The following CLDN20 variants were observed in gnomAD, a reference collection of about 807,000 sequenced individuals.
CLDN20 encodes claudin-20.
For synonymous variants in CLDN20, 104 were observed against 103.6 expected, an observed-to-expected ratio of 1.00 and a Z score of -0.03; for missense variants, 258 against 267.9, an observed-to-expected ratio of 0.96 and a Z score of 0.26.
At chr6:155,272,710 T>C (rs888024897) in intron 1 of CLDN20, among the ~76,000 whole-genome samples, 1 of 152,088 alleles carries the variant, frequency 6.6e-6, no homozygotes, top group African/African-American at 2.4e-5. Flanking sequence ...TCTACATAAG[T>C]TCTCTATGCA....
chr6:155,271,638 C>T (rs1213808307), intron 1 of CLDN20, among the ~76,000 whole-genome samples: 9 of 151,858 alleles, frequency 5.9e-5, no homozygotes, highest in Non-Finnish European at 1.2e-4. Context: ...GTCAAGAATA[C>T]CAGGGAAAAA....
At chr6:155,273,443 T>C (rs942730494) in intron 1 of CLDN20, among the ~76,000 whole-genome samples, 4 of 152,250 alleles carry the variant, frequency 2.6e-5, no homozygotes, top group South Asian at 2.1e-4. Flanking sequence ...ACTTTAAATA[T>C]AGGCAATGGA....
intron 1 of CLDN20, among the ~76,000 whole-genome samples, chr6:155,267,936 T>C (rs758213437): frequency 9.2e-5 from 14 of 152,238 alleles, no homozygotes; most frequent in Non-Finnish European, 1.8e-4. Context: ...TGTTAGATTT[T>C]TCTGTAATTT....
chr6:155,275,062 CA>C (rs748259610), intron 1 of CLDN20, among the ~76,000 whole-genome samples: 12,800 of 133,248 alleles, frequency 0.096, 708 homozygotes, highest in East Asian at 0.19. Flanking sequence ...ACTAAAAATA[CA>C]AAAAAAAAAA....
chr6:155,272,162 G>A (rs549614922), intron 1 of CLDN20, among the ~76,000 whole-genome samples: 4 of 152,266 alleles, frequency 2.6e-5, no homozygotes, highest in East Asian at 1.9e-4. Context: ...ACAACTGACC[G>A]AAGGAGTTAA....
intron 1 of CLDN20, among the ~76,000 whole-genome samples, chr6:155,269,323 TC>T (rs1270641746): frequency 6.9e-4 from 51 of 74,066 alleles, no homozygotes; most frequent in African/African-American, 2.4e-3. Context: ...TCTTTTCTTT[TC>T]TTTTTTTTTT....
chr6:155,266,459 C>A (rs971742319), intron 1 of CLDN20, among the ~76,000 whole-genome samples: 3 of 152,110 alleles, frequency 2.0e-5, no homozygotes, highest in Admixed American at 1.3e-4. Flanking sequence ...CCCTGTGACA[C>A]CCACAAAGCC....
At chr6:155,273,781 T>C (rs1313812416) in intron 1 of CLDN20, among the ~76,000 whole-genome samples, 1 of 152,162 alleles carries the variant, frequency 6.6e-6, no homozygotes, top group East Asian at 1.9e-4. Flanking sequence ...CTGTATGACA[T>C]GGGGTGATAT....
At chr6:155,271,610 A>T (rs1784919233) in intron 1 of CLDN20, among the ~76,000 whole-genome samples, 1 of 152,208 alleles carries the variant, frequency 6.6e-6, no homozygotes, top group South Asian at 2.1e-4. Flanking sequence ...CAATTTTATG[A>T]ATTCAGGTTC....
At chr6:155,273,136 G>A (rs538999162) in intron 1 of CLDN20, among the ~76,000 whole-genome samples, 1 of 152,308 alleles carries the variant, frequency 6.6e-6, no homozygotes, top group South Asian at 2.1e-4. Context: ...CTTGAAAGCA[G>A]CTATTACAAA....
At chr6:155,270,140 C>T (rs1784856052) in intron 1 of CLDN20, among the ~76,000 whole-genome samples, 1 of 152,126 alleles carries the variant, frequency 6.6e-6, no homozygotes, top group African/African-American at 2.4e-5. Flanking sequence ...TCTCAGGCGG[C>T]CAAATGGAAG....
At position 155,275,970 on chromosome 6, in the gene CLDN20, T is replaced by C. The variant is rs769405928; in HGVS notation, c.251T>C (p.Met84Thr). The part of the protein sequence containing the change: ...PIHVQAARAT[M>T]VLACVLSALG... ...CACGTGCAGGCTGCGAGAGCCACCATGGTCCTGGCGTGTGTTCTGTCTGCT... is the reference window on the plus strand; with the variant it reads ...CACGTGCAGGCTGCGAGAGCCACCACGGTCCTGGCGTGTGTTCTGTCTGCT... The change falls in exon 2 of 2, where the codon ATG becomes ACG. Residue 84 changes from methionine (M) to threonine (T), a missense_variant. Coordinates refer to ENST00000367165, the MANE Select transcript of CLDN20 (RefSeq NM_001001346.3). 8.1e-6 allele frequency: 13 copies of C among 1,614,098 alleles called. No individual in the cohort carries two copies. In the South Asian group the frequency reaches 1.1e-4, roughly 14 times the overall value.
At chr6:155,268,755 C>A (rs2114691058) in intron 1 of CLDN20, among the ~76,000 whole-genome samples, 1 of 150,930 alleles carries the variant, frequency 6.6e-6, no homozygotes. Flanking sequence ...AGGCAGCATG[C>A]TTGCTAAGAG....
chr6:155,270,402 G>T (rs1398278577), intron 1 of CLDN20, among the ~76,000 whole-genome samples: 1 of 152,140 alleles, frequency 6.6e-6, no homozygotes, highest in Admixed American at 6.5e-5. Flanking sequence ...ATCAGAAGTG[G>T]ATAGTAATGT....
At chr6:155,267,043 C>T (rs1272653919) in intron 1 of CLDN20, among the ~76,000 whole-genome samples, 7 of 148,328 alleles carry the variant, frequency 4.7e-5, no homozygotes, top group East Asian at 2.0e-4. Context: ...GGCATGATCT[C>T]GGCTCACTGC....
intron 1 of CLDN20, among the ~76,000 whole-genome samples, chr6:155,269,001 G>C (rs993181979): frequency 1.0e-3 from 101 of 96,808 alleles, no homozygotes; most frequent in African/African-American, 3.8e-3. Flanking sequence ...AAAAAAAAAA[G>C]ATAAATGAAA....
intron 1 of CLDN20, 110 bp from the exon 2 acceptor site, chr6:155,275,506 G>C: frequency 1.9e-6 from 1 of 521,376 alleles, no homozygotes; most frequent in Non-Finnish European, 3.4e-6. Context: ...ATCTGCTTGG[G>C]GGCTGGAGAA....
chr6:155,276,206 G>A lies in CLDN20; in HGVS notation c.487G>A (p.Ala163Thr). Residue 163 changes from alanine (A) to threonine (T), a missense_variant, in exon 2 of 2, where the codon GCT becomes ACT. By Grantham distance (58) the Ala-to-Thr change is moderately conservative. Coordinates refer to ENST00000367165, the MANE Select transcript of CLDN20 (RefSeq NM_001001346.3). The stretch of plus-strand genomic sequence containing the variant: ...AAGCAACAAACATGAACCTGGAGGA[G>A]CTATCTATATCGGATTCATTTCTGC... ...PESNKHEPGG[A>T]IYIGFISAML... The A allele has an allele frequency of 1.1e-5, 18 of 1,614,132 alleles. No individual in the cohort carries two copies. Among genetic ancestry groups the A allele is most frequent in the Non-Finnish European group, 1.5e-5 (18 of 1,180,024 alleles).
At chr6:155,272,880 T>C (rs564361073) in intron 1 of CLDN20, among the ~76,000 whole-genome samples, 1 of 152,334 alleles carries the variant, frequency 6.6e-6, no homozygotes, top group South Asian at 2.1e-4. Flanking sequence ...TGAAATATAC[T>C]GAAAGTTATA....
Sources: gnomAD v4.1 joint callset for allele counts (sites outside exome capture counted in the v4.1 genomes callset) on GRCh38, gnomAD v4.1.1 for gene constraint, MANE v1.5 for transcripts, NCBI Gene and HGNC (gene_info 2026-07-23, HGNC 2026-07-21) for gene names.